Variants in KCNIP4 observed in about 807,000 individuals in gnomAD.
KCNIP4 encodes potassium voltage-gated channel interacting protein 4.
Under a neutral mutation model 34.0 loss-of-function variants are expected in KCNIP4, and 12 were observed. The ratio of observed to expected loss-of-function variants is 0.35; its 90% CI spans 0.23 to 0.57. KCNIP4 has a LOEUF of 0.57. Among genes scored for constraint, KCNIP4 ranks in the 20% least tolerant of loss-of-function variants. The pLI is 0.83. For missense variants in KCNIP4, 238 were observed against 311.7 expected, an observed-to-expected ratio of 0.76 and a Z score of 1.78; for synonymous variants, 124 against 102.2, an observed-to-expected ratio of 1.21 and a Z score of -1.29.
At chr4:21,651,750 G>A (rs1747497382) in intron 1 of KCNIP4, among the ~76,000 whole-genome samples, 1 of 152,168 alleles carries the variant, frequency 6.6e-6, no homozygotes, top group African/African-American at 2.4e-5. Flanking sequence ...GTTGCAAGTT[G>A]AAGACTTTGA....
chr4:20,924,585 C>T (rs750773042), intron 1 of KCNIP4, among the ~76,000 whole-genome samples: 9 of 152,180 alleles, frequency 5.9e-5, no homozygotes, highest in East Asian at 1.9e-4. Context: ...GTTGAATGAA[C>T]GAATGACTTT....
chr4:21,384,155 T>G (rs1412255933), intron 1 of KCNIP4, among the ~76,000 whole-genome samples: 1 of 151,844 alleles, frequency 6.6e-6, no homozygotes, highest in African/African-American at 2.4e-5. Flanking sequence ...AGTCTCTAAC[T>G]CACCTGTCTA....
chr4:21,394,200 T>C (rs1268149141), intron 1 of KCNIP4, among the ~76,000 whole-genome samples: 1 of 152,214 alleles, frequency 6.6e-6, no homozygotes, highest in Non-Finnish European at 1.5e-5. Flanking sequence ...TACCATCATT[T>C]GCATAAAGGC....
chr4:21,488,038 C>T (rs1191857587), intron 1 of KCNIP4, among the ~76,000 whole-genome samples: 1 of 152,114 alleles, frequency 6.6e-6, no homozygotes, highest in African/African-American at 2.4e-5. Flanking sequence ...TTCATTGCTA[C>T]TGTGGTATTC....
intron 1 of KCNIP4, among the ~76,000 whole-genome samples, chr4:21,253,574 G>A (rs1577968907): frequency 1.3e-5 from 2 of 152,130 alleles, no homozygotes; most frequent in East Asian, 3.9e-4. Flanking sequence ...TCTTGGAAAA[G>A]GAATTTGTCT....
intron 1 of KCNIP4, among the ~76,000 whole-genome samples, chr4:21,299,724 C>G (rs570588832): frequency 2.6e-5 from 4 of 152,086 alleles, no homozygotes; most frequent in African/African-American, 9.7e-5. Context: ...CCTTATTAAG[C>G]AACATGGTCT....
chr4:21,299,065 T>C (rs1764007672), intron 1 of KCNIP4, among the ~76,000 whole-genome samples: 3 of 152,148 alleles, frequency 2.0e-5, no homozygotes, highest in Admixed American at 1.3e-4. Flanking sequence ...AGTTTTCTTA[T>C]ATCTAAAGCG....
intron 1 of KCNIP4, among the ~76,000 whole-genome samples, chr4:21,263,183 G>T (rs962715591): frequency 1.3e-5 from 2 of 152,154 alleles, no homozygotes; most frequent in Non-Finnish European, 2.9e-5. Context: ...GTAATATGCC[G>T]TTCTCCTTTG....
intron 1 of KCNIP4, among the ~76,000 whole-genome samples, chr4:21,175,148 AACT>A (rs1448717455): frequency 1.3e-5 from 2 of 152,148 alleles, no homozygotes; most frequent in African/African-American, 4.8e-5. Context: ...TAAAAAAAAA[AACT>A]CTGCAATTGT....
chr4:20,826,780 T>C (rs938880840), intron 3 of KCNIP4, among the ~76,000 whole-genome samples: 2 of 152,170 alleles, frequency 1.3e-5, no homozygotes, highest in African/African-American at 4.8e-5. Context: ...GATAGAACTT[T>C]CAGCAGAGAC....
intron 1 of KCNIP4, among the ~76,000 whole-genome samples, chr4:21,930,418 C>G (rs1372677370): frequency 6.6e-6 from 1 of 152,126 alleles, no homozygotes; most frequent in Non-Finnish European, 1.5e-5. Flanking sequence ...TCCTGCTAAA[C>G]AGAAGCAATT....
chr4:21,746,535 T>C (rs1308140677), intron 1 of KCNIP4, among the ~76,000 whole-genome samples: 1 of 151,926 alleles, frequency 6.6e-6, no homozygotes, highest in Non-Finnish European at 1.5e-5. Context: ...CTTTCAATAT[T>C]AATCAAGATT....
At chr4:20,838,084 C>A (rs577922629) in intron 3 of KCNIP4, among the ~76,000 whole-genome samples, 2 of 152,038 alleles carry the variant, frequency 1.3e-5, no homozygotes, top group East Asian at 1.9e-4. Flanking sequence ...TTATTACCAC[C>A]CTTGCATGGG....
chr4:21,916,023 T>C (rs1465312856), intron 1 of KCNIP4, among the ~76,000 whole-genome samples: 1 of 152,212 alleles, frequency 6.6e-6, no homozygotes, highest in Non-Finnish European at 1.5e-5. Flanking sequence ...AGCTTTTCGT[T>C]TCCAGTTGCT....
At chr4:21,575,731 AC>A (rs2109060673) in intron 1 of KCNIP4, among the ~76,000 whole-genome samples, 1 of 152,320 alleles carries the variant, frequency 6.6e-6, no homozygotes, top group South Asian at 2.1e-4. Flanking sequence ...TTTATAACAA[AC>A]CAAATTTATT....
chr4:20,977,934 G>A (rs925688910), intron 1 of KCNIP4, among the ~76,000 whole-genome samples: 1 of 152,250 alleles, frequency 6.6e-6, no homozygotes, highest in Admixed American at 6.5e-5. Flanking sequence ...TTATTCATGA[G>A]CTGTCTGGCC....
chr4:21,936,478 A>G (rs1397954926), intron 1 of KCNIP4, among the ~76,000 whole-genome samples: 1 of 152,098 alleles, frequency 6.6e-6, no homozygotes, highest in East Asian at 1.9e-4. Context: ...TGTCTTTATT[A>G]GCAGCGTGAG....
intron 1 of KCNIP4, among the ~76,000 whole-genome samples, chr4:21,497,759 T>TTTTAATG (rs1416876869): frequency 6.6e-6 from 1 of 152,162 alleles, no homozygotes; most frequent in East Asian, 1.9e-4. Context: ...AATCAATTCA[T>TTTTAATG]AATTCTACTT....
intron 3 of KCNIP4, among the ~76,000 whole-genome samples, chr4:20,808,943 G>T (rs570905982): frequency 6.6e-6 from 1 of 152,160 alleles, no homozygotes; most frequent in South Asian, 2.1e-4. Flanking sequence ...TTACTTAGTT[G>T]TCCTCTCTCA....
Sources: allele counts gnomAD v4.1 joint callset (sites outside exome capture counted in the v4.1 genomes callset), GRCh38; gene constraint gnomAD v4.1.1; transcripts MANE v1.5; gene names NCBI Gene and HGNC (gene_info 2026-07-23, HGNC 2026-07-21).